Variants in KRABD4 observed in about 807,000 individuals in gnomAD.
The protein encoded by KRABD4 is KRAB domain-containing protein 4.
At chrX:46,467,380 C>A in the KRABD4 span, among the ~76,000 whole-genome samples, 2 of 110,536 alleles carry the variant, frequency 1.8e-5, no homozygotes, top group African/African-American at 3.3e-5. Flanking sequence ...TATAGTGAAA[C>A]CCCGTCTCTA....
the KRABD4 span, chrX:46,456,548 C>A: frequency 4.5e-6 from 1 of 221,419 alleles, no homozygotes; most frequent in South Asian, 1.0e-4. Flanking sequence ...TTTTTCAGGT[C>A]ACTTGTAGTT....
chrX:46,462,997 T>G, the KRABD4 span: 11 of 1,105,524 alleles, frequency 1.0e-5, no homozygotes, highest in African/African-American at 2.0e-4. Flanking sequence ...GAGTTTGGGT[T>G]ACTGCCCACT....
At chrX:46,463,135 G>A in the KRABD4 span, 1 of 1,115,997 alleles carries the variant, frequency 9.0e-7, no homozygotes, top group Non-Finnish European at 1.2e-6. Flanking sequence ...CTGCAGGGGT[G>A]GGCCTAGGTT....
At chrX:46,462,516 A>T in the KRABD4 span, 5 of 484,362 alleles carry the variant, frequency 1.0e-5, no homozygotes, top group African/African-American at 2.4e-5. Context: ...TCTCAAAAAA[A>T]AAAAAAGAAA....
the KRABD4 span, among the ~76,000 whole-genome samples, chrX:46,458,290 G>A: frequency 2.7e-5 from 3 of 112,183 alleles, no homozygotes; most frequent in African/African-American, 9.7e-5. Flanking sequence ...GTACAGTCAA[G>A]TATGTAGAAA....
At chrX:46,473,538 A>G in the KRABD4 span, 2 of 611,249 alleles carry the variant, frequency 3.3e-6, no homozygotes, top group Non-Finnish European at 4.9e-6. Context: ...TTAGTGTTAA[A>G]TCAACTCTCA....
the KRABD4 span, among the ~76,000 whole-genome samples, chrX:46,453,408 A>G: frequency 1.5e-3 from 167 of 109,116 alleles, 3 homozygotes; most frequent in Non-Finnish European, 2.6e-3. Flanking sequence ...TTAGGTGACA[A>G]TTTAAGAGGA....
the KRABD4 span, among the ~76,000 whole-genome samples, chrX:46,466,255 T>C: frequency 8.9e-6 from 1 of 112,303 alleles, no homozygotes. Context: ...TTTTATTTGC[T>C]TTTTCCTACT....
At chrX:46,460,473 A>G in the KRABD4 span, among the ~76,000 whole-genome samples, 6 of 109,146 alleles carry the variant, frequency 5.5e-5, no homozygotes, top group African/African-American at 2.0e-4. Flanking sequence ...ATACAGATGA[A>G]CCGCCAGATG....
the KRABD4 span, among the ~76,000 whole-genome samples, chrX:46,450,137 A>G: frequency 8.9e-6 from 1 of 112,203 alleles, no homozygotes; most frequent in African/African-American, 3.2e-5. Flanking sequence ...GGAATGTTTC[A>G]TTATGACAAA....
chrX:46,472,987 G>A, the KRABD4 span: 114 of 1,209,462 alleles, frequency 9.4e-5, no homozygotes, highest in Non-Finnish European at 1.1e-4. Flanking sequence ...TGGTCAAAAT[G>A]GAAGCTATGT....
At chrX:46,461,868 C>A in the KRABD4 span, among the ~76,000 whole-genome samples, 15 of 111,284 alleles carry the variant, frequency 1.3e-4, no homozygotes, top group East Asian at 5.7e-4. Flanking sequence ...CTTTGTGGAC[C>A]ACCCGGACCC....
the KRABD4 span, among the ~76,000 whole-genome samples, chrX:46,460,274 G>A: frequency 7.2e-5 from 8 of 111,099 alleles, no homozygotes; most frequent in East Asian, 2.0e-3. Flanking sequence ...ACAGTTAGCC[G>A]GGTGTGGTGG....
At chrX:46,460,540 C>G in the KRABD4 span, among the ~76,000 whole-genome samples, 7 of 108,129 alleles carry the variant, frequency 6.5e-5, no homozygotes, top group Admixed American at 2.0e-4. Context: ...CATGCCCTCT[C>G]TGGACTCACT....
chrX:46,456,321 G>A, the KRABD4 span: 1 of 105,793 alleles, frequency 9.5e-6, no homozygotes, highest in Non-Finnish European at 1.9e-5. Context: ...TAAATATAAA[G>A]TATAATTTAT....
At chrX:46,462,834 G>C in the KRABD4 span, 2 of 1,209,887 alleles carry the variant, frequency 1.7e-6, no homozygotes, top group African/African-American at 1.8e-5. Context: ...ACCTCTACAG[G>C]GATGTCATGC....
chrX:46,456,756 T>G, the KRABD4 span: 1 of 305,911 alleles, frequency 3.3e-6, no homozygotes, highest in Non-Finnish European at 5.9e-6. Context: ...TTCCTGTTGT[T>G]GAGGTTGTCC....
the KRABD4 span, among the ~76,000 whole-genome samples, chrX:46,449,805 C>T: frequency 8.0e-5 from 9 of 111,996 alleles, no homozygotes; most frequent in African/African-American, 1.6e-4. Context: ...TTCCCTCTGT[C>T]GCCCAGGCTG....
At chrX:46,458,495 C>G in the KRABD4 span, among the ~76,000 whole-genome samples, 1 of 111,540 alleles carries the variant, frequency 9.0e-6, no homozygotes, top group African/African-American at 3.3e-5. Flanking sequence ...ATATTAGTGG[C>G]CTAGAAACAT....
Sources: gnomAD v4.1 joint callset for allele counts (sites outside exome capture counted in the v4.1 genomes callset) on GRCh38, gnomAD v4.1.1 for gene constraint, MANE v1.5 for transcripts, NCBI Gene and HGNC (gene_info 2026-07-23, HGNC 2026-07-21) for gene names.